Variants in ATRNL1 observed in about 807,000 individuals in gnomAD.
The protein encoded by ATRNL1 is attractin-like protein 1.
Under a neutral mutation model 182.7 loss-of-function variants are expected in ATRNL1, and 95 were observed. The ratio of observed to expected loss-of-function variants is 0.52; its 90% CI spans 0.44 to 0.62. The LOEUF (loss-of-function observed/expected upper bound fraction) is 0.62, where lower values mean the gene tolerates loss of function less well. ATRNL1 is among the 20% of genes least tolerant of loss of function. The pLI is 0.00. For missense variants in ATRNL1, 1,471 were observed against 1,679.5 expected (o/e 0.88, Z 2.17); for synonymous variants, 576 against 568.3 (o/e 1.01, Z -0.19).
intron 10 of ATRNL1, among the ~76,000 whole-genome samples, chr10:115,255,866 G>C (rs1003137866): frequency 6.6e-6 from 1 of 152,016 alleles, no homozygotes; most frequent in Non-Finnish European, 1.5e-5. Context: ...GAATTTTGTC[G>C]AAGGCCTTTT....
intron 24 of ATRNL1, among the ~76,000 whole-genome samples, chr10:115,483,327 G>T (rs1258572570): frequency 2.6e-5 from 4 of 151,340 alleles, no homozygotes; most frequent in Non-Finnish European, 5.9e-5. Context: ...AAATTGTTTA[G>T]AAAGAGAGGG....
chr10:115,343,702 A>T (rs1461711476), intron 19 of ATRNL1, among the ~76,000 whole-genome samples: 1 of 152,066 alleles, frequency 6.6e-6, no homozygotes, highest in African/African-American at 2.4e-5. Flanking sequence ...GTTCTTCATT[A>T]TCTGGGCATT....
intron 1 of ATRNL1, among the ~76,000 whole-genome samples, chr10:115,115,143 T>C (rs1196145113): frequency 6.6e-6 from 1 of 152,056 alleles, no homozygotes; most frequent in Non-Finnish European, 1.5e-5. Flanking sequence ...AAGACAAATA[T>C]CACCTGATCT....
chr10:115,241,224 A>G (rs963261386), intron 9 of ATRNL1, among the ~76,000 whole-genome samples: 3 of 151,860 alleles, frequency 2.0e-5, no homozygotes, highest in African/African-American at 7.2e-5. Flanking sequence ...TTAACTTTTT[A>G]CTTATTTGGT....
At chr10:115,825,398 T>G (rs1555091688) in intron 27 of ATRNL1, among the ~76,000 whole-genome samples, 1 of 152,152 alleles carries the variant, frequency 6.6e-6, no homozygotes, top group Non-Finnish European at 1.5e-5. Flanking sequence ...CTGCACGTTC[T>G]TCTGCACATG....
chr10:115,508,885 G>T (rs1022162827), intron 24 of ATRNL1, among the ~76,000 whole-genome samples: 3 of 152,060 alleles, frequency 2.0e-5, no homozygotes, highest in Non-Finnish European at 4.4e-5. Flanking sequence ...GATTCTCAAT[G>T]TATATGAAAC....
intron 24 of ATRNL1, among the ~76,000 whole-genome samples, chr10:115,517,047 G>A (rs1850675603): frequency 6.6e-6 from 1 of 151,880 alleles, no homozygotes; most frequent in South Asian, 2.1e-4. Flanking sequence ...GTAGAACAGA[G>A]CTTGTTTAGT....
At chr10:115,688,696 T>C (rs1946296742) in intron 26 of ATRNL1, among the ~76,000 whole-genome samples, 2 of 152,182 alleles carry the variant, frequency 1.3e-5, no homozygotes, top group African/African-American at 2.4e-5. Context: ...GAGTTCCTTA[T>C]ATATTCTGTA....
intron 27 of ATRNL1, among the ~76,000 whole-genome samples, chr10:115,846,123 ATAGATCATGTAAC>A (rs1166602655): frequency 1.3e-5 from 2 of 152,098 alleles, no homozygotes; most frequent in Non-Finnish European, 2.9e-5. Flanking sequence ...GTGTAAAACC[ATAGATCATGTAAC>A]TTGATACAAG....
At chr10:115,361,266 A>G (rs1353473470) in intron 19 of ATRNL1, among the ~76,000 whole-genome samples, 1 of 152,066 alleles carries the variant, frequency 6.6e-6, no homozygotes, top group Non-Finnish European at 1.5e-5. Context: ...GCTTTCTACT[A>G]TAATGAGAAG....
chr10:115,382,761 G>T (rs946111312), intron 19 of ATRNL1, among the ~76,000 whole-genome samples: 1 of 150,808 alleles, frequency 6.6e-6, no homozygotes, highest in Non-Finnish European at 1.5e-5. Flanking sequence ...AAAATAAGTG[G>T]CAAGAGCAGG....
intron 26 of ATRNL1, among the ~76,000 whole-genome samples, chr10:115,593,450 C>T (rs2804208): frequency 0.48 from 71,995 of 151,554 alleles, 18,496 homozygotes; most frequent in East Asian, 0.84. Context: ...ACATTTATGG[C>T]TAACTGATCT....
intron 24 of ATRNL1, among the ~76,000 whole-genome samples, chr10:115,503,618 T>C (rs1398969072): frequency 6.6e-6 from 1 of 152,134 alleles, no homozygotes; most frequent in Non-Finnish European, 1.5e-5. Context: ...TTTTTGTATA[T>C]ATCAAGCCCA....
At chr10:115,888,178 G>C (rs1951996467) in intron 28 of ATRNL1, among the ~76,000 whole-genome samples, 1 of 152,126 alleles carries the variant, frequency 6.6e-6, no homozygotes, top group African/African-American at 2.4e-5. Context: ...AGTTTAGCTA[G>C]TGAACTTCTA....
At chr10:115,442,897 A>T (rs1043605820) in intron 21 of ATRNL1, among the ~76,000 whole-genome samples, 21 of 151,904 alleles carry the variant, frequency 1.4e-4, no homozygotes, top group Admixed American at 3.9e-4. Context: ...ACATATATAT[A>T]TTTTCTTAAG....
chr10:115,441,814 C>G (rs1565046799), intron 21 of ATRNL1, among the ~76,000 whole-genome samples: 1 of 151,934 alleles, frequency 6.6e-6, no homozygotes, highest in African/African-American at 2.4e-5. Context: ...TATCTGAAAG[C>G]CTTCTTTGAT....
At chr10:115,151,705 A>G (rs1846240855) in intron 5 of ATRNL1, among the ~76,000 whole-genome samples, 1 of 152,096 alleles carries the variant, frequency 6.6e-6, no homozygotes, top group South Asian at 2.1e-4. Flanking sequence ...TTTGCTGTGC[A>G]GAAGCTGTTT....
At chr10:115,860,267 C>T (rs1316474379) in intron 28 of ATRNL1, among the ~76,000 whole-genome samples, 1 of 152,162 alleles carries the variant, frequency 6.6e-6, no homozygotes, top group African/African-American at 2.4e-5. Flanking sequence ...CCCTAAAAAT[C>T]TGGATGCAGT....
In ATRNL1 at chr10:115,821,725, A is replaced by G. The variant is rs181294330; in HGVS notation, c.3904-26152A>G. Among the ~76,000 whole-genome samples the G allele has an allele frequency of 5.5e-4, 84 of 152,362 alleles. 1 individual carries two copies. The highest frequency in any genetic ancestry group is 2.0e-3 in the African/African-American group (84 of 41,592). ...ATGGTAAAGGGATCAATGCAACAAG[A>G]AGAGCTAACTATCCTAAATATATGT... On this transcript the variant is annotated intron_variant, in intron 27 of 28. Coordinates refer to ENST00000355044, the MANE Select transcript of ATRNL1 (RefSeq NM_207303.4).
Sources: allele counts gnomAD v4.1 joint callset (sites outside exome capture counted in the v4.1 genomes callset), GRCh38; gene constraint gnomAD v4.1.1; transcripts MANE v1.5; gene names NCBI Gene and HGNC (gene_info 2026-07-23, HGNC 2026-07-21).